The following ANKRD18B variants were observed in gnomAD, a reference collection of about 807,000 sequenced individuals.
The protein encoded by ANKRD18B is ankyrin repeat domain 18B.
In ANKRD18B, 75 loss-of-function variants were observed where a neutral mutation model predicts 111.8. The ratio of observed to expected loss-of-function variants is 0.67; its 90% CI spans 0.56 to 0.81. ANKRD18B has a LOEUF of 0.81. ANKRD18B is among the 40% of genes least tolerant of loss of function. The pLI, the probability that ANKRD18B is intolerant of heterozygous loss-of-function variation, is 0.00. For missense variants in ANKRD18B, 1,038 were observed against 1,225.5 expected (o/e 0.85, Z 2.28); for synonymous variants, 356 against 417.3 (o/e 0.85, Z 1.79).
intron 10 of ANKRD18B, among the ~76,000 whole-genome samples, chr9:33,546,564 G>C (rs1828359104): frequency 6.6e-6 from 1 of 152,180 alleles, no homozygotes; most frequent in African/African-American, 2.4e-5. Flanking sequence ...AAAATCTAGA[G>C]ATTTTCTTCT....
chr9:33,534,988 T>A (rs1247978220), intron 5 of ANKRD18B, among the ~76,000 whole-genome samples: 1 of 152,110 alleles, frequency 6.6e-6, no homozygotes, highest in African/African-American at 2.4e-5. Flanking sequence ...GCAGAAAATC[T>A]TGTATTATCC....
At chr9:33,543,769 C>T (rs1828317479) in intron 10 of ANKRD18B, among the ~76,000 whole-genome samples, 1 of 152,186 alleles carries the variant, frequency 6.6e-6, no homozygotes, top group South Asian at 2.1e-4. Flanking sequence ...AGCAGTCCAA[C>T]TGCCTATTGA....
At chr9:33,557,003 T>G (rs940993221) in intron 13 of ANKRD18B, among the ~76,000 whole-genome samples, 1 of 152,154 alleles carries the variant, frequency 6.6e-6, no homozygotes, top group Non-Finnish European at 1.5e-5. Context: ...GAATGTGTCT[T>G]TGAAGCCCTG....
chr9:33,537,914 T>G (rs182361734), intron 6 of ANKRD18B, among the ~76,000 whole-genome samples: 3 of 152,308 alleles, frequency 2.0e-5, no homozygotes, highest in Admixed American at 6.5e-5. Flanking sequence ...ATACTTAGTA[T>G]TCATAAACAT....
chr9:33,542,187 G>A (rs1181734944), intron 9 of ANKRD18B, among the ~76,000 whole-genome samples: 1 of 149,986 alleles, frequency 6.7e-6, no homozygotes, highest in Non-Finnish European at 1.5e-5. Context: ...TCTACACAGA[G>A]ATGATTGCTA....
In ANKRD18B at chr9:33,571,270, A is replaced by G; in HGVS notation, c.3202A>G (p.Ile1068Val). Reference sequence around the variant, plus strand: ...GATGGAGCTGGACTGTGCAGAACAAATAATTACAGAAACAAAGAAAAGTAT... The same window carrying G: ...GATGGAGCTGGACTGTGCAGAACAAGTAATTACAGAAACAAAGAAAAGTAT... ...TEMELDCAEQ[I>V]ITETKKTFAA... is the part of the protein sequence containing the mutation. Residue 1068 changes from isoleucine (I) to valine (V), a missense_variant, in exon 18 of 19, where the codon ATA (isoleucine) becomes GTA (valine). This residue lies in a region of ANKRD18B where 524 missense variants were observed against 677.9 expected (regional missense o/e 0.77). Coordinates refer to ENST00000684830, the MANE Select transcript of ANKRD18B (RefSeq NM_001393611.1). The G allele has an allele frequency of 5.1e-6, 6 of 1,169,224 alleles. No homozygotes were observed. The highest frequency in any genetic ancestry group is 6.5e-6 in the Non-Finnish European group (6 of 921,690). The allele number at this position is 1,169,224 out of a possible 1,614,324, so 72.4% of individuals were successfully genotyped here. A position where few individuals can be genotyped will look rare whatever the true frequency, so the allele number is the denominator to read the frequency against.
chr9:33,554,973 T>C (rs1175597747), intron 12 of ANKRD18B, among the ~76,000 whole-genome samples: 3 of 144,136 alleles, frequency 2.1e-5, no homozygotes. Flanking sequence ...TAGGTTTTGC[T>C]CTAAAGAGCC....
chr9:33,564,444 T>C (rs1365985684), intron 14 of ANKRD18B, among the ~76,000 whole-genome samples: 3 of 152,238 alleles, frequency 2.0e-5, no homozygotes, highest in Admixed American at 2.0e-4. Flanking sequence ...CATTCATTTG[T>C]TGATGGACAT....
intron 3 of ANKRD18B, among the ~76,000 whole-genome samples, chr9:33,531,471 C>T (rs1474212346): frequency 1.3e-5 from 2 of 151,778 alleles, no homozygotes; most frequent in South Asian, 2.1e-4. Context: ...CTTTAGTGGA[C>T]TCATGCAGAA....
chr9:33,571,136 A>T, intron 17 of ANKRD18B, 110 bp from the exon 18 acceptor site: 1 of 229,826 alleles, frequency 4.4e-6, no homozygotes, highest in Non-Finnish European at 8.2e-6. Context: ...TGTTATGTCT[A>T]GTCACTAAAA....
intron 10 of ANKRD18B, among the ~76,000 whole-genome samples, chr9:33,544,655 T>G (rs911214103): frequency 3.3e-5 from 5 of 152,052 alleles, no homozygotes; most frequent in African/African-American, 1.2e-4. Context: ...CTGACCAACA[T>G]GGAGAAACCC....
chr9:33,573,226 G>A (rs560958482), downstream of ANKRD18B: 6 of 985,210 alleles, frequency 6.1e-6, no homozygotes, highest in East Asian at 2.3e-4. Flanking sequence ...AAGCACAGGC[G>A]AGCTCTTCCC....
chr9:33,542,696 A>T (rs939762672), intron 9 of ANKRD18B, among the ~76,000 whole-genome samples: 2 of 152,176 alleles, frequency 1.3e-5, no homozygotes, highest in African/African-American at 4.8e-5. Context: ...CTTAAAACAC[A>T]AAAATAAATT....
In ANKRD18B at chr9:33,548,246, AGAAGCT is replaced by A. The variant is rs1828391278; in HGVS notation, c.1463_1468del (p.Ala488_Glu489del). ...AGGAAAAACACAACAAAGAAAGACT[AGAAGCT>A]GAAGTTGAATCCCTCCATTCTAACT... On this transcript the variant is annotated inframe_deletion, in exon 11 of 19. Coordinates refer to ENST00000684830, the MANE Select transcript of ANKRD18B (RefSeq NM_001393611.1). 6.4e-7 allele frequency: 1 copy of A among 1,551,046 alleles called. No individual in the cohort carries two copies. Among genetic ancestry groups the A allele is most frequent in the South Asian group, 1.2e-5 (1 of 83,962 alleles).
intron 14 of ANKRD18B, among the ~76,000 whole-genome samples, chr9:33,562,703 T>C (rs1828624534): frequency 6.6e-6 from 1 of 152,240 alleles, no homozygotes; most frequent in Non-Finnish European, 1.5e-5. Context: ...CAAACAAACG[T>C]GAAGTAAGGT....
chr9:33,566,309 T>G lies in ANKRD18B; in HGVS notation c.2551T>G (p.Ser851Ala). The G allele has an allele frequency of 1.3e-6, 2 of 1,562,460 alleles. No individual in the cohort carries two copies. Among genetic ancestry groups the G allele is most frequent in the Non-Finnish European group, 1.7e-6 (2 of 1,150,968 alleles). The change falls in exon 15 of 19, where the codon TCT becomes GCT. Residue 851 changes from serine to alanine, a missense_variant. Physicochemically the swap from Ser to Ala is moderately conservative, Grantham distance 99 (BLOSUM62 1). Coordinates refer to ENST00000684830, the MANE Select transcript of ANKRD18B (RefSeq NM_001393611.1). ...DNEVLHQELL[S>A]MGKVQEKCEK... ...TGAAGTTCTTCATCAGGAGTTATTATCTATGGGAAAAGTACAAGAGAAATG... is the reference window on the plus strand; with the variant it reads ...TGAAGTTCTTCATCAGGAGTTATTAGCTATGGGAAAAGTACAAGAGAAATG...
At chr9:33,551,833 C>T (rs1828451416) in intron 12 of ANKRD18B, among the ~76,000 whole-genome samples, 1 of 152,238 alleles carries the variant, frequency 6.6e-6, no homozygotes, top group African/African-American at 2.4e-5. Flanking sequence ...CCTGCCTTCT[C>T]AGTTCCTGCT....
chr9:33,548,494 G>A lies in ANKRD18B; in HGVS notation c.1706G>A (p.Arg569Lys). Residue 569 changes from arginine (R) to lysine (K), a missense_variant, in exon 11 of 19, where the codon AGG becomes AAG. Transcript: ENST00000684830. ...CTCCGTGAGACAAGAGATGCTCTCA[G>A]GGAAAAGACATTGGCTTTAGAAAGT... ...GKLRETRDAL[R>K]EKTLALESVQ... 6.4e-7 allele frequency: 1 copy of A among 1,551,162 alleles called. No homozygotes were observed. Among genetic ancestry groups the A allele is most frequent in the East Asian group, 2.4e-5 (1 of 40,922 alleles).
At chr9:33,544,834 T>C (rs1220026432) in intron 10 of ANKRD18B, among the ~76,000 whole-genome samples, 2 of 151,778 alleles carry the variant, frequency 1.3e-5, no homozygotes, top group Non-Finnish European at 2.9e-5. Context: ...TGAAAGTCCA[T>C]CTCAAAAAAA....
Sources: allele counts gnomAD v4.1 joint callset (sites outside exome capture counted in the v4.1 genomes callset), GRCh38; gene constraint gnomAD v4.1.1; regional missense constraint gnomAD v4.1.1; transcripts MANE v1.5; gene names NCBI Gene and HGNC (gene_info 2026-07-23, HGNC 2026-07-21).